Variants in DNAH11 observed in about 807,000 individuals in gnomAD.
The protein encoded by DNAH11 is dynein axonemal heavy chain 11, also known as axonemal beta dynein heavy chain 11.
A neutral mutation model predicts 526.0 loss-of-function variants in DNAH11; 442 were observed. The observed-to-expected ratio is 0.84, with a 90% CI of 0.78 to 0.91. DNAH11 has a LOEUF of 0.91. DNAH11 is among the 40% of genes least tolerant of loss of function. The pLI, the probability that DNAH11 is intolerant of heterozygous loss-of-function variation, is 0.00. For synonymous variants in DNAH11, 2,461 were observed against 1,935.9 expected, an observed-to-expected ratio of 1.27 and a Z score of -7.12; for missense variants, 6,989 against 5,448.7, an observed-to-expected ratio of 1.28 and a Z score of -8.90.
intron 44 of DNAH11, among the ~76,000 whole-genome samples, chr7:21,722,857 T>A (rs1213869588): frequency 1.3e-5 from 2 of 152,186 alleles, no homozygotes; most frequent in African/African-American, 2.4e-5. Context: ...TTTCTGGGAC[T>A]GTAAAATCAG....
intron 29 of DNAH11, among the ~76,000 whole-genome samples, chr7:21,657,948 T>G (rs1266163921): frequency 6.6e-6 from 1 of 152,214 alleles, no homozygotes; most frequent in Admixed American, 6.5e-5. Flanking sequence ...GTCAGTTGTA[T>G]CATCTTCAGA....
At chr7:21,581,237 A>G (rs1163772075) in intron 8 of DNAH11, among the ~76,000 whole-genome samples, 1 of 152,082 alleles carries the variant, frequency 6.6e-6, no homozygotes, top group Non-Finnish European at 1.5e-5. Context: ...TGGAGACTCA[A>G]CTCTGATGCT....
intron 28 of DNAH11, among the ~76,000 whole-genome samples, chr7:21,640,889 G>A (rs1475265068): frequency 6.6e-6 from 1 of 152,132 alleles, no homozygotes; most frequent in African/African-American, 2.4e-5. Flanking sequence ...GAGGGGTTTA[G>A]GGGTGTGATC....
At chr7:21,791,379 C>T (rs1243261333) in intron 61 of DNAH11, among the ~76,000 whole-genome samples, 1 of 152,154 alleles carries the variant, frequency 6.6e-6, no homozygotes, top group African/African-American at 2.4e-5. Flanking sequence ...CAGGAGTGAC[C>T]TTGCCTTTTC....
Position 21,900,035 on chromosome 7 carries a change from G to C in DNAH11, c.13218G>C (p.Leu4406Phe). 1.9e-6 allele frequency: 3 copies of C among 1,613,960 alleles called. No homozygotes were observed. The highest frequency in any genetic ancestry group is 2.5e-6 in the Non-Finnish European group (3 of 1,179,860). Residue 4406 changes from leucine (L) to phenylalanine (F), a missense_variant, in exon 81 of 82, where the codon TTG (leucine) becomes TTC (phenylalanine). Physicochemically the swap from Leu to Phe is conservative, Grantham distance 22 (BLOSUM62 0). Coordinates refer to ENST00000409508, the MANE Select transcript of DNAH11 (RefSeq NM_001277115.2). ...AGTGGCCCCTGGATAAAACGCGCTT[G>C]ACTGCTGATGTTACCAAAAAAACAA... Reference protein sequence around the residue: ...KNEWPLDKTRLTADVTKKTKE... With the variant: ...KNEWPLDKTRFTADVTKKTKE...
At chr7:21,859,528 A>G (rs149199849) in intron 68 of DNAH11, among the ~76,000 whole-genome samples, 1 of 152,352 alleles carries the variant, frequency 6.6e-6, no homozygotes, top group East Asian at 1.9e-4. Flanking sequence ...GGCCCCAAGC[A>G]TTTCAGATAA....
At chr7:21,872,839 C>T (rs1258034381) in intron 73 of DNAH11, among the ~76,000 whole-genome samples, 1 of 152,152 alleles carries the variant, frequency 6.6e-6, no homozygotes, top group African/African-American at 2.4e-5. Flanking sequence ...AAGAGGTTTC[C>T]ATCAGAAACC....
intron 63 of DNAH11, among the ~76,000 whole-genome samples, chr7:21,810,231 C>T (rs1371786248): frequency 6.6e-6 from 1 of 152,110 alleles, no homozygotes; most frequent in Non-Finnish European, 1.5e-5. Flanking sequence ...TAAGATACTC[C>T]TTGTACAAAT....
At chr7:21,669,815 G>T (rs1782571678) in intron 30 of DNAH11, among the ~76,000 whole-genome samples, 1 of 151,886 alleles carries the variant, frequency 6.6e-6, no homozygotes, top group Admixed American at 6.6e-5. Context: ...GAATTAATGT[G>T]GTACCTTGGT....
intron 32 of DNAH11, among the ~76,000 whole-genome samples, chr7:21,684,565 G>T (rs975684500): frequency 6.6e-6 from 1 of 152,186 alleles, no homozygotes; most frequent in Non-Finnish European, 1.5e-5. Context: ...ATTGTGGAGA[G>T]CTTGAGCTGG....
chr7:21,740,558 T>C (rs1281980481), intron 48 of DNAH11, among the ~76,000 whole-genome samples: 1 of 152,158 alleles, frequency 6.6e-6, no homozygotes, highest in Non-Finnish European at 1.5e-5. Context: ...AGAATTTCTT[T>C]CCTATGTAAG....
chr7:21,758,571 A>C (rs1786739132), intron 54 of DNAH11, among the ~76,000 whole-genome samples: 1 of 152,212 alleles, frequency 6.6e-6, no homozygotes, highest in Non-Finnish European at 1.5e-5. Flanking sequence ...CACAAAAAGT[A>C]AAATCACAAC....
chr7:21,742,217 T>C, intron 49 of DNAH11, 51 bp downstream of exon 49: 8 of 1,581,916 alleles, frequency 5.1e-6, no homozygotes, highest in Non-Finnish European at 6.0e-6. Flanking sequence ...ATAATGATAA[T>C]ACTATGTATT....
chr7:21,692,491 C>T (rs762952932), intron 35 of DNAH11, among the ~76,000 whole-genome samples: 24 of 152,106 alleles, frequency 1.6e-4, no homozygotes, highest in African/African-American at 2.2e-4. Flanking sequence ...AGTTGTTGAG[C>T]GTATCAGTAG....
At chr7:21,863,248 A>G (rs1227757273) in intron 69 of DNAH11, among the ~76,000 whole-genome samples, 1 of 152,220 alleles carries the variant, frequency 6.6e-6, no homozygotes, top group Non-Finnish European at 1.5e-5. Context: ...TGTGCCAAAG[A>G]AGGCACTTTA....
intron 30 of DNAH11, among the ~76,000 whole-genome samples, chr7:21,674,081 A>G (rs1231136298): frequency 6.7e-6 from 1 of 149,472 alleles, no homozygotes; most frequent in Non-Finnish European, 1.5e-5. Flanking sequence ...TTTGTTTTTC[A>G]TGGAGTTTCA....
In DNAH11 at chr7:21,862,041, T is replaced by C. The variant is rs986010891; in HGVS notation, c.11373+18T>C. On this transcript the variant is annotated intron_variant, in intron 69 of 81. Transcript: ENST00000409508. ...CTTTTCAGGTAAGGAGATCAGTTAC[T>C]TGAAAAAGGATCCCCAGAACCAAAG... The C allele has an allele frequency of 6.3e-7, 1 of 1,597,998 alleles. No individual in the cohort carries two copies. The highest frequency in any genetic ancestry group is 1.8e-5 in the Admixed American group (1 of 57,030).
intron 45 of DNAH11, 82 bp from the exon 46 acceptor site, chr7:21,735,558 A>G (rs1785565108): frequency 8.6e-7 from 1 of 1,167,754 alleles, no homozygotes. Context: ...GTTGAGTTTG[A>G]TATAAAATTT....
rs1196115987 is a variant in DNAH11, at chr7:21,558,899, A to G, written c.593A>G (p.Lys198Arg). The G allele has an allele frequency of 2.5e-6, 4 of 1,605,162 alleles. No homozygotes were observed. The highest frequency in any genetic ancestry group is 3.4e-6 in the Non-Finnish European group (4 of 1,175,414). ...TATCACATAGAAGTCATGAAAAAGA[A>G]GATGTATATTTTTAGGGGCAAAATG... ...MEYHIEVMKK[K>R]MYIFRGKMSR... Residue 198 changes from lysine (K) to arginine (R), a missense_variant, in exon 3 of 82, where the codon AAG becomes AGG. Physicochemically the swap from Lys to Arg is conservative, Grantham distance 26. Transcript: ENST00000409508.
Sources: allele counts gnomAD v4.1 joint callset (sites outside exome capture counted in the v4.1 genomes callset), GRCh38; gene constraint gnomAD v4.1.1; transcripts MANE v1.5; gene names NCBI Gene and HGNC (gene_info 2026-07-23, HGNC 2026-07-21).